Variants in ADAMTSL1 observed in about 807,000 individuals in gnomAD.
ADAMTSL1 encodes the protein ADAMTS-like protein 1.
ADAMTSL1 carries 126 observed loss-of-function variants against 201.8 expected under a neutral mutation model. The observed-to-expected ratio is 0.62, with a 90% CI of 0.54 to 0.72. The LOEUF is 0.72. Among genes scored for constraint, ADAMTSL1 ranks in the 30% least tolerant of loss-of-function variants. The pLI is 0.00. For missense variants in ADAMTSL1, 2,679 were observed against 2,277.8 expected, an observed-to-expected ratio of 1.18 and a Z score of -3.59; for synonymous variants, 1,121 against 903.4, an observed-to-expected ratio of 1.24 and a Z score of -4.32.
intron 23 of ADAMTSL1, among the ~76,000 whole-genome samples, chr9:18,847,620 A>G (rs780971982): frequency 6.6e-6 from 1 of 151,932 alleles, no homozygotes; most frequent in Non-Finnish European, 1.5e-5. Context: ...GAGCAAAGAC[A>G]TGAATGTGTG....
chr9:18,497,879 G>T (rs570951730), intron 1 of ADAMTSL1, among the ~76,000 whole-genome samples: 1 of 152,272 alleles, frequency 6.6e-6, no homozygotes, highest in African/African-American at 2.4e-5. Context: ...ATAAAATCAA[G>T]TTACCATAGT....
chr9:18,377,379 A>G (rs750953483), intron 2 of ADAMTSL1, among the ~76,000 whole-genome samples: 1 of 152,224 alleles, frequency 6.6e-6, no homozygotes, highest in Non-Finnish European at 1.5e-5. Flanking sequence ...TAGTAGAATT[A>G]TTGTCTACAT....
chr9:18,573,994 T>C (rs1822523994), intron 3 of ADAMTSL1, 36 bp from the exon 4 acceptor site: 1 of 1,576,992 alleles, frequency 6.3e-7, no homozygotes. Flanking sequence ...GGTATCCTCC[T>C]AACCTTTGTA....
intron 4 of ADAMTSL1, 128 bp downstream of exon 4, chr9:18,574,394 A>G (rs1822569008): frequency 2.2e-6 from 2 of 902,140 alleles, no homozygotes; most frequent in Non-Finnish European, 3.6e-6. Context: ...ATGGTGAAAG[A>G]TTTGAAAATT....
At chr9:18,005,349 A>C (rs1819770906) in intron 1 of ADAMTSL1, among the ~76,000 whole-genome samples, 1 of 152,080 alleles carries the variant, frequency 6.6e-6, no homozygotes, top group Non-Finnish European at 1.5e-5. Flanking sequence ...AGGATGAGAC[A>C]TGGCCTTTAT....
chr9:18,156,621 C>T lies in ADAMTSL1; in HGVS notation c.88-7241C>T, dbSNP rs570682323. 1.9e-4 allele frequency among the ~76,000 whole-genome samples: 25 copies of T among 128,478 alleles called. No homozygotes were observed. In the South Asian group the frequency reaches 6.8e-3, roughly 35 times the overall value. 84.3% of individuals were successfully genotyped at this position (128,478 alleles called of 152,430 possible). The stretch of plus-strand genomic sequence containing the variant: ...AGTATTTTACATGTAAGATTTAAAG[C>T]ACAGACATAAACACATACACACACA... On this transcript the variant is annotated intron_variant, in intron 1 of 29. Coordinates refer to the ADAMTSL1 transcript ENST00000680146.
chr9:18,221,320 CA>C (rs764161498), intron 2 of ADAMTSL1, among the ~76,000 whole-genome samples: 1 of 152,174 alleles, frequency 6.6e-6, no homozygotes, highest in African/African-American at 2.4e-5. Context: ...GTTTCTTTAA[CA>C]TGAAGATTTT....
At chr9:18,043,135 C>T (rs1259938252) in intron 1 of ADAMTSL1, among the ~76,000 whole-genome samples, 1 of 152,096 alleles carries the variant, frequency 6.6e-6, no homozygotes, top group African/African-American at 2.4e-5. Context: ...TCACAATTAC[C>T]TGGGATATTT....
intron 16 of ADAMTSL1, among the ~76,000 whole-genome samples, chr9:18,761,121 G>A (rs1820048755): frequency 6.6e-6 from 1 of 152,232 alleles, no homozygotes; most frequent in African/African-American, 2.4e-5. Context: ...GTTGGAAGTT[G>A]TAAGCAGAGT....
intron 4 of ADAMTSL1, among the ~76,000 whole-genome samples, chr9:18,615,891 G>A (rs1439126399): frequency 6.6e-5 from 10 of 152,108 alleles, no homozygotes; most frequent in Non-Finnish European, 1.3e-4. Flanking sequence ...TATCTACTGT[G>A]GTCCTGGTAG....
At chr9:18,602,779 C>G (rs74676953) in intron 4 of ADAMTSL1, among the ~76,000 whole-genome samples, 5,285 of 152,184 alleles carry the variant, frequency 0.035, 315 homozygotes, top group African/African-American at 0.12. Flanking sequence ...GATATCTAGT[C>G]TATGGAGACT....
Position 18,330,426 on chromosome 9 carries a change from C to T in ADAMTSL1, c.207+166445C>T, listed in dbSNP as rs927580129. 3.3e-5 allele frequency among the ~76,000 whole-genome samples: 5 copies of T among 152,006 alleles called. No homozygotes were observed. In the South Asian group the frequency reaches 6.2e-4, roughly 19 times the overall value. Reference sequence around the variant, plus strand: ...CTGCCTTCCCAATCTGTATTCTGTGCTCCATCATAACCTTCTTTGTTTCAT... The same window carrying T: ...CTGCCTTCCCAATCTGTATTCTGTGTTCCATCATAACCTTCTTTGTTTCAT... On this transcript the variant is annotated intron_variant, in intron 2 of 29. Coordinates refer to the ADAMTSL1 transcript ENST00000680146.
intron 14 of ADAMTSL1, among the ~76,000 whole-genome samples, chr9:18,716,236 T>C (rs1005442388): frequency 2.6e-5 from 4 of 151,832 alleles, no homozygotes; most frequent in Non-Finnish European, 5.9e-5. Context: ...AATTGACAAA[T>C]GGGATCTAAT....
intron 7 of ADAMTSL1, among the ~76,000 whole-genome samples, chr9:18,645,465 T>G (rs79700950): frequency 0.16 from 23,183 of 147,702 alleles, 1,971 homozygotes; most frequent in Middle Eastern, 0.22. Context: ...TCCTTGCCCA[T>G]GCCTATGTCC....
intron 25 of ADAMTSL1, among the ~76,000 whole-genome samples, chr9:18,891,348 T>C (rs926069115): frequency 6.6e-5 from 10 of 151,720 alleles, no homozygotes; most frequent in South Asian, 2.1e-4. Context: ...TTTTGTTAGA[T>C]AAATTTTCTC....
intron 2 of ADAMTSL1, among the ~76,000 whole-genome samples, chr9:18,348,633 ACTGCAGACTTC>A (rs1329575996): frequency 1.3e-5 from 2 of 152,142 alleles, no homozygotes; most frequent in Non-Finnish European, 1.5e-5. Flanking sequence ...ATCAGGACCA[ACTGCAGACTTC>A]CTTTTTACAC....
At chr9:18,531,190 A>G (rs1819421062) in intron 2 of ADAMTSL1, among the ~76,000 whole-genome samples, 1 of 152,198 alleles carries the variant, frequency 6.6e-6, no homozygotes. Context: ...TGTCCATCAC[A>G]TGGACCAGAG....
intron 9 of ADAMTSL1, among the ~76,000 whole-genome samples, chr9:18,674,140 C>T (rs1204529041): frequency 6.6e-6 from 1 of 151,574 alleles, no homozygotes; most frequent in Non-Finnish European, 1.5e-5. Context: ...TTTGAGCATG[C>T]CCAAAAGGCA....
At chr9:18,803,569 G>C (rs1343021470) in intron 20 of ADAMTSL1, among the ~76,000 whole-genome samples, 4 of 152,028 alleles carry the variant, frequency 2.6e-5, no homozygotes, top group Non-Finnish European at 4.4e-5. Context: ...CTGTCTGAAG[G>C]GCACAGCTCA....
Sources: gnomAD v4.1 joint callset for allele counts (sites outside exome capture counted in the v4.1 genomes callset) on GRCh38, gnomAD v4.1.1 for gene constraint, MANE v1.5 for transcripts, NCBI Gene and HGNC (gene_info 2026-07-23, HGNC 2026-07-21) for gene names.